Variants in DRD2 observed in about 807,000 individuals in gnomAD.
The protein encoded by DRD2 is D(2) dopamine receptor.
Under a neutral mutation model 38.0 loss-of-function variants are expected in DRD2, and 8 were observed. That is an observed-to-expected ratio of 0.21 (90% CI 0.12 to 0.38). The LOEUF is 0.38. Ranked by LOEUF, DRD2 falls within the 10% of genes least tolerant of loss-of-function variation. The pLI is 1.00. For synonymous variants in DRD2, 230 were observed against 238.6 expected, an observed-to-expected ratio of 0.96 and a Z score of 0.33; for missense variants, 403 against 607.7, an observed-to-expected ratio of 0.66 and a Z score of 3.54.
chr11:113,444,378 G>A (rs1056515407), intron 1 of DRD2, among the ~76,000 whole-genome samples: 24 of 152,264 alleles, frequency 1.6e-4, no homozygotes, highest in Non-Finnish European at 1.3e-4. Context: ...TGAACAGAAC[G>A]TTTGGTAAAT....
At position 113,471,388 on chromosome 11, in the gene DRD2, T is replaced by A. The variant is rs147640473; in HGVS notation, c.-32+3688A>T. Among the ~76,000 whole-genome samples, 3 of 152,266 alleles carry A rather than the reference T, an allele frequency of 2.0e-5. No individual in the cohort carries two copies. In the East Asian group the frequency reaches 5.8e-4, roughly 29 times the overall value. On this transcript the variant is annotated intron_variant, in intron 1 of 7. Coordinates refer to ENST00000362072, the MANE Select transcript of DRD2 (RefSeq NM_000795.4). ...AAATAAGCAATTTGTGCATCCTTAG[T>A]GGCTCCATGGTATATTCTGGAGAGC...
chr11:113,424,891 A>T, intron 1 of DRD2: 1 of 577,052 alleles, frequency 1.7e-6, no homozygotes, highest in Non-Finnish European at 3.1e-6. Context: ...GAGCAAACAC[A>T]ATTTTTTAAA....
intron 1 of DRD2, among the ~76,000 whole-genome samples, chr11:113,458,654 T>C (rs537366050): frequency 6.6e-6 from 1 of 152,376 alleles, no homozygotes; most frequent in South Asian, 2.1e-4. Context: ...ATTGTGTGTG[T>C]GTGCATGTGT....
intron 1 of DRD2, among the ~76,000 whole-genome samples, chr11:113,466,058 G>A (rs561064429): frequency 6.6e-5 from 10 of 152,280 alleles, no homozygotes; most frequent in Admixed American, 5.9e-4. Context: ...TCTCAAAGGG[G>A]TGATAGTAAC....
intron 1 of DRD2, among the ~76,000 whole-genome samples, chr11:113,467,755 C>T (rs1360383372): frequency 6.6e-6 from 1 of 152,276 alleles, no homozygotes; most frequent in South Asian, 2.1e-4. Context: ...ATAACTTATG[C>T]CTCTTCCTAG....
intron 1 of DRD2, among the ~76,000 whole-genome samples, chr11:113,455,615 T>C (rs890449595): frequency 4.6e-5 from 7 of 152,112 alleles, no homozygotes; most frequent in Admixed American, 2.6e-4. Flanking sequence ...TGTTTAAGAA[T>C]GTGCAAAGGA....
chr11:113,436,989 G>A (rs769530302), intron 1 of DRD2, among the ~76,000 whole-genome samples: 15 of 152,066 alleles, frequency 9.9e-5, no homozygotes, highest in Non-Finnish European at 2.1e-4. Flanking sequence ...TCTATGGCCT[G>A]GGATCCTTTC....
chr11:113,469,542 C>T (rs1951401770), intron 1 of DRD2, among the ~76,000 whole-genome samples: 1 of 152,142 alleles, frequency 6.6e-6, no homozygotes, highest in Non-Finnish European at 1.5e-5. Flanking sequence ...TTGTGCAAAC[C>T]ACTTACCTTT....
chr11:113,417,078 C>A (rs1950834931), intron 3 of DRD2, 79 bp from the exon 4 acceptor site: 3 of 1,560,980 alleles, frequency 1.9e-6, no homozygotes, highest in Non-Finnish European at 2.6e-6. Context: ...ACCAGAGACA[C>A]CCTCACTCCT....
chr11:113,453,268 A>G (rs1437700658), intron 1 of DRD2, among the ~76,000 whole-genome samples: 3 of 152,176 alleles, frequency 2.0e-5, no homozygotes, highest in Non-Finnish European at 1.5e-5. Flanking sequence ...GCTGCTGCTC[A>G]TTTTATTCAT....
At chr11:113,433,190 C>T (rs1951004790) in intron 1 of DRD2, among the ~76,000 whole-genome samples, 1 of 152,208 alleles carries the variant, frequency 6.6e-6, no homozygotes, top group South Asian at 2.1e-4. Flanking sequence ...ATGGCAACCT[C>T]CTGGGCTCAC....
In DRD2 at chr11:113,416,911, G is replaced by A; in HGVS notation, c.484C>T (p.Leu162=). ...VTVMISIVWV[L]SFTISCPLLF... ...AGTGGGCAGGAGATGGTGAAGGACA[G>A]GACCCAGACGATGGAGATCATGACG... Residue 162 remains leucine, a synonymous_variant, in exon 4 of 8, where the codon CTG becomes TTG. Transcript: ENST00000362072. 1 of 1,614,210 alleles carries A rather than the reference G, an allele frequency of 6.2e-7. No homozygotes were observed. Among genetic ancestry groups the A allele is most frequent in the Non-Finnish European group, 8.5e-7 (1 of 1,180,026 alleles).
chr11:113,465,296 T>C (rs529876456), intron 1 of DRD2, among the ~76,000 whole-genome samples: 1 of 152,288 alleles, frequency 6.6e-6, no homozygotes, highest in South Asian at 2.1e-4. Context: ...GCTTTTGCCA[T>C]GTTGGCCAGG....
intron 1 of DRD2, among the ~76,000 whole-genome samples, chr11:113,434,178 G>A (rs1240970517): frequency 1.3e-5 from 2 of 152,234 alleles, no homozygotes; most frequent in African/African-American, 4.8e-5. Context: ...CAGCACAGGT[G>A]TAATGAAGTC....
intron 1 of DRD2, among the ~76,000 whole-genome samples, chr11:113,462,419 T>G (rs1405876624): frequency 6.6e-6 from 1 of 152,078 alleles, no homozygotes; most frequent in African/African-American, 2.4e-5. Context: ...GGACCCTAAA[T>G]CAACACCTGG....
rs368253578 is a variant in DRD2 at position 113,437,046 on chromosome 11, C to T, written c.-31-12364G>A. ...CTAATAAGTCATGTCCTCTCTTTCA[C>T]AGCAGGTGGCGGCTCAGCTGGTAGG... On this transcript the variant is annotated intron_variant, in intron 1 of 7. Coordinates refer to ENST00000362072, the MANE Select transcript of DRD2 (RefSeq NM_000795.4). 8.1e-4 allele frequency among the ~76,000 whole-genome samples: 123 copies of T among 152,312 alleles called. 4 individuals are homozygous for T. The South Asian group carries it at 0.025, about 31-fold the overall frequency.
At position 113,410,576 on chromosome 11, in the gene DRD2, G is replaced by A; in HGVS notation, c.*151C>T. On this transcript the variant is annotated 3_prime_UTR_variant, in exon 8 of 8. Transcript: ENST00000362072. ...AGAGTGAGGGTGTGCGGGCAGTGAG[G>A]AGCATGGAGCCAAGCGAACACTGCA... 1.0e-6 allele frequency: 1 copy of A among 966,676 alleles called. No individual in the cohort carries two copies. The highest frequency in any genetic ancestry group is 1.6e-6 in the Non-Finnish European group (1 of 612,554). 59.9% of individuals were successfully genotyped at this position (966,676 alleles called of 1,614,324 possible).
chr11:113,471,316 G>C (rs1184233576), intron 1 of DRD2, among the ~76,000 whole-genome samples: 1 of 152,180 alleles, frequency 6.6e-6, no homozygotes, highest in Non-Finnish European at 1.5e-5. Flanking sequence ...CACCATTAGA[G>C]TAATTTAAAA....
intron 1 of DRD2, among the ~76,000 whole-genome samples, chr11:113,455,577 T>G (rs1951261368): frequency 1.3e-5 from 2 of 152,086 alleles, no homozygotes; most frequent in African/African-American, 4.8e-5. Flanking sequence ...GAACTCAAAC[T>G]ACTCAATACC....
Sources: gnomAD v4.1 joint callset for allele counts (sites outside exome capture counted in the v4.1 genomes callset) on GRCh38, gnomAD v4.1.1 for gene constraint, MANE v1.5 for transcripts, NCBI Gene and HGNC (gene_info 2026-07-23, HGNC 2026-07-21) for gene names.